Variants in JAKMIP2 observed in about 807,000 individuals in gnomAD.
JAKMIP2 encodes janus kinase and microtubule-interacting protein 2.
In JAKMIP2, 25 loss-of-function variants were observed where a neutral mutation model predicts 115.0. That is an observed-to-expected ratio of 0.22 (90% CI 0.16 to 0.30). JAKMIP2 has a LOEUF of 0.30. Ranked by LOEUF, JAKMIP2 falls within the 10% of genes least tolerant of loss-of-function variation. JAKMIP2 has a pLI of 1.00. For missense variants in JAKMIP2, 642 were observed against 957.6 expected (o/e 0.67, Z 4.35); for synonymous variants, 334 against 343.6 (o/e 0.97, Z 0.31).
chr5:147,645,729 A>AG (rs1198017507), intron 5 of JAKMIP2, among the ~76,000 whole-genome samples: 3 of 152,170 alleles, frequency 2.0e-5, no homozygotes, highest in African/African-American at 7.2e-5. Flanking sequence ...TTTTGATGTA[A>AG]GGTGTCCTGT....
At chr5:147,757,614 A>G (rs75218619) in intron 1 of JAKMIP2, among the ~76,000 whole-genome samples, 1 of 152,010 alleles carries the variant, frequency 6.6e-6, no homozygotes, top group African/African-American at 2.4e-5. Flanking sequence ...TATTTCTGAA[A>G]GGAGTGATCA....
At position 147,592,518 on chromosome 5, in the gene JAKMIP2, C is replaced by T. The variant is rs1049834569; in HGVS notation, c.*21-832G>A. Reference sequence around the variant, plus strand: ...TTTTCACTTGTGTAGAAGTCTAGGTCGTAATGCTGTCTTCCAATGAAAGCC... The same window carrying T: ...TTTTCACTTGTGTAGAAGTCTAGGTTGTAATGCTGTCTTCCAATGAAAGCC... On this transcript the variant is annotated intron_variant, in intron 21 of 21. Coordinates refer to ENST00000616793, the MANE Select transcript of JAKMIP2 (RefSeq NM_001270941.2). Among the ~76,000 whole-genome samples the T allele has an allele frequency of 9.9e-5, 15 of 152,174 alleles. No individual in the cohort carries two copies. In the East Asian group the frequency reaches 2.7e-3, roughly 28 times the overall value.
chr5:147,648,813 G>A (rs560971077), intron 4 of JAKMIP2, among the ~76,000 whole-genome samples: 14 of 152,240 alleles, frequency 9.2e-5, no homozygotes, highest in Non-Finnish European at 1.6e-4. Context: ...GATTACATAA[G>A]GTTCAAAGGG....
intron 1 of JAKMIP2, among the ~76,000 whole-genome samples, chr5:147,770,418 G>T (rs1218921673): frequency 6.6e-6 from 1 of 152,030 alleles, no homozygotes; most frequent in Non-Finnish European, 1.5e-5. Flanking sequence ...TAGGATCCAG[G>T]CTGTCTACAC....
Position 147,637,437 on chromosome 5 carries a change from A to ATTTTTTTTTTTTTTTTTTTT in JAKMIP2, c.1531-409_1531-390dup, listed in dbSNP as rs34831610. On this transcript the variant is annotated intron_variant, in intron 10 of 21. Coordinates refer to ENST00000616793, the MANE Select transcript of JAKMIP2 (RefSeq NM_001270941.2). ...CATTTTGCCTCCCCAAATTCTTTTGATTTTTTTTTTTTTTTTTTTTGAGAC... is the reference window on the plus strand; with the variant it reads ...CATTTTGCCTCCCCAAATTCTTTTGATTTTTTTTTTTTTTTTTTTTTTTTTTTTTTTTTTTTTTTTGAGAC... Among the ~76,000 whole-genome samples, 467 of 79,268 alleles carry ATTTTTTTTTTTTTTTTTTTT rather than the reference A, an allele frequency of 5.9e-3. 21 individuals are homozygous for ATTTTTTTTTTTTTTTTTTTT. The highest frequency in any genetic ancestry group is 8.2e-3 in the Non-Finnish European group (316 of 38,586). 52.0% of individuals were successfully genotyped at this position (79,268 alleles called of 152,430 possible). A position where few individuals can be genotyped will look rare whatever the true frequency, so the allele number is the denominator to read the frequency against.
At chr5:147,703,887 G>C (rs1328481244) in intron 1 of JAKMIP2, among the ~76,000 whole-genome samples, 1 of 151,442 alleles carries the variant, frequency 6.6e-6, no homozygotes, top group Non-Finnish European at 1.5e-5. Context: ...ATCTTATTCT[G>C]TATACTTTTT....
intron 19 of JAKMIP2, among the ~76,000 whole-genome samples, chr5:147,615,730 T>C (rs1289035158): frequency 6.6e-6 from 1 of 152,166 alleles, no homozygotes; most frequent in African/African-American, 2.4e-5. Flanking sequence ...GATCATTTTA[T>C]AACCATCTAT....
At chr5:147,733,200 G>A (rs940945310) in intron 1 of JAKMIP2, among the ~76,000 whole-genome samples, 9 of 152,116 alleles carry the variant, frequency 5.9e-5, no homozygotes, top group Admixed American at 2.0e-4. Flanking sequence ...AGACAAAAAT[G>A]TTACTCATGA....
chr5:147,618,021 C>T lies in JAKMIP2; in HGVS notation c.2236G>A (p.Glu746Lys), dbSNP rs759805877. ...AACTTTTCTACTGCCGTCCTCAGCT[C>T]CTCTTGCTGTTTTTCACTTAATAAT... ...GELLSEKQQEELRTAVEKLRR... is the reference protein window; with the variant it reads ...GELLSEKQQEKLRTAVEKLRR... Residue 746 changes from glutamate to lysine, a missense_variant, in exon 19 of 22, where the codon GAG becomes AAG. Coordinates refer to ENST00000616793, the MANE Select transcript of JAKMIP2 (RefSeq NM_001270941.2). 6.2e-7 allele frequency: 1 copy of T among 1,614,108 alleles called. No homozygotes were observed. The highest frequency in any genetic ancestry group is 8.5e-7 in the Non-Finnish European group (1 of 1,179,952).
intron 1 of JAKMIP2, among the ~76,000 whole-genome samples, chr5:147,722,276 G>T (rs2126946420): frequency 6.6e-6 from 1 of 152,228 alleles, no homozygotes; most frequent in East Asian, 1.9e-4. Flanking sequence ...AATCATTTAA[G>T]GATGCTGTTA....
chr5:147,616,086 C>T (rs189028350), intron 19 of JAKMIP2, among the ~76,000 whole-genome samples: 47 of 152,158 alleles, frequency 3.1e-4, no homozygotes, highest in African/African-American at 1.1e-3. Flanking sequence ...CTGACTAAGA[C>T]AGGCAGATGG....
At chr5:147,628,725 T>C in intron 16 of JAKMIP2, 26 bp downstream of exon 16, 1 of 1,589,968 alleles carries the variant, frequency 6.3e-7, no homozygotes. Context: ...ACCGAGATGA[T>C]TTGAAATGTT....
At chr5:147,698,873 G>C (rs1227369538) in intron 1 of JAKMIP2, among the ~76,000 whole-genome samples, 2 of 152,162 alleles carry the variant, frequency 1.3e-5, no homozygotes, top group East Asian at 3.9e-4. Context: ...GAAAGTGGTT[G>C]TACAAAAATA....
At chr5:147,712,012 A>G (rs916026321) in intron 1 of JAKMIP2, among the ~76,000 whole-genome samples, 10 of 152,364 alleles carry the variant, frequency 6.6e-5, no homozygotes, top group Middle Eastern at 6.8e-3. Context: ...ACTTTAAACC[A>G]GTTAAATAGC....
At chr5:147,632,806 A>T in intron 12 of JAKMIP2, 28 bp from the exon 13 acceptor site, 1 of 1,454,864 alleles carries the variant, frequency 6.9e-7, no homozygotes, top group Non-Finnish European at 9.6e-7. Context: ...GAAGTTAGGT[A>T]AGCATTGAGA....
At chr5:147,691,528 A>T (rs935873335) in intron 1 of JAKMIP2, among the ~76,000 whole-genome samples, 5 of 152,310 alleles carry the variant, frequency 3.3e-5, no homozygotes, top group East Asian at 1.9e-4. Flanking sequence ...CTTTTATATG[A>T]AAAAACTGGG....
At chr5:147,595,705 C>T (rs997904299) in intron 21 of JAKMIP2, among the ~76,000 whole-genome samples, 1 of 152,084 alleles carries the variant, frequency 6.6e-6, no homozygotes, top group Non-Finnish European at 1.5e-5. Context: ...AACTGTAAAG[C>T]AAGTTGTACT....
intron 1 of JAKMIP2, among the ~76,000 whole-genome samples, chr5:147,779,995 A>T (rs1755699809): frequency 6.6e-6 from 1 of 152,160 alleles, no homozygotes; most frequent in African/African-American, 2.4e-5. Context: ...ACTACATTTG[A>T]GGTTCCAAAA....
chr5:147,630,741 T>TA (rs1161822572), intron 14 of JAKMIP2, among the ~76,000 whole-genome samples: 1 of 152,074 alleles, frequency 6.6e-6, no homozygotes, highest in Non-Finnish European at 1.5e-5. Context: ...AGACCAGGAA[T>TA]AGCAGGCAGC....
Sources: allele counts gnomAD v4.1 joint callset (sites outside exome capture counted in the v4.1 genomes callset), GRCh38; gene constraint gnomAD v4.1.1; transcripts MANE v1.5; gene names NCBI Gene and HGNC (gene_info 2026-07-23, HGNC 2026-07-21).